Variants in SPAG16 observed in about 807,000 individuals in gnomAD.
SPAG16 encodes the protein sperm associated antigen 16, also known as sperm-associated antigen 16 protein.
In SPAG16, 86 loss-of-function variants were observed where a neutral mutation model predicts 80.4. The ratio of observed to expected loss-of-function variants is 1.07; its 90% CI spans 0.90 to 1.28. SPAG16 has a LOEUF of 1.28. Among genes scored for constraint, SPAG16 ranks in the 50% most tolerant of loss-of-function variants. The pLI is 0.00. For missense variants in SPAG16, 870 were observed against 765.3 expected (o/e 1.14, Z -1.61); for synonymous variants, 294 against 265.9 (o/e 1.11, Z -1.03).
At chr2:213,623,782 A>G (rs2061865216) in intron 10 of SPAG16, among the ~76,000 whole-genome samples, 1 of 152,086 alleles carries the variant, frequency 6.6e-6, no homozygotes. Context: ...GTTAATTATA[A>G]TCCAAGACAT....
At chr2:213,407,371 T>C (rs1374182978) in intron 9 of SPAG16, among the ~76,000 whole-genome samples, 1 of 151,936 alleles carries the variant, frequency 6.6e-6, no homozygotes, top group Non-Finnish European at 1.5e-5. Flanking sequence ...GTTTGAGGGC[T>C]TGAGCCTTCC....
chr2:214,240,319 C>T (rs1689374091), intron 15 of SPAG16: 1 of 152,122 alleles, frequency 6.6e-6, no homozygotes, highest in South Asian at 2.1e-4. Flanking sequence ...AATTCAAATG[C>T]TAAGTGTATT....
chr2:213,727,248 G>C (rs994364446), intron 10 of SPAG16, among the ~76,000 whole-genome samples: 2 of 152,142 alleles, frequency 1.3e-5, no homozygotes, highest in Non-Finnish European at 2.9e-5. Context: ...TACAAATTAA[G>C]TAGTAACTGA....
chr2:213,539,224 C>T (rs751374143), intron 10 of SPAG16, among the ~76,000 whole-genome samples: 1 of 152,152 alleles, frequency 6.6e-6, no homozygotes, highest in East Asian at 1.9e-4. Context: ...CCAAAATTAT[C>T]CCTGTAGAAT....
At chr2:214,209,878 G>A (rs1364428698) in intron 15 of SPAG16, among the ~76,000 whole-genome samples, 1 of 152,062 alleles carries the variant, frequency 6.6e-6, no homozygotes, top group African/African-American at 2.4e-5. Flanking sequence ...TTTTGGAAAT[G>A]GAGATAACCT....
chr2:214,222,219 C>A (rs377539230), intron 15 of SPAG16, among the ~76,000 whole-genome samples: 1 of 144,786 alleles, frequency 6.9e-6, no homozygotes, highest in Admixed American at 7.5e-5. Context: ...TGGGTTCAAG[C>A]GAGTCTCCTG....
At chr2:213,862,426 T>C (rs2042790) in intron 10 of SPAG16, 59 bp from the exon 11 acceptor site, 594,050 of 1,577,654 alleles carry the variant, frequency 0.38, 114,294 homozygotes, top group East Asian at 0.48. Flanking sequence ...CATTTATTCA[T>C]ATTCTGAAAA....
At chr2:213,441,722 T>C (rs375456608) in intron 9 of SPAG16, among the ~76,000 whole-genome samples, 4 of 152,364 alleles carry the variant, frequency 2.6e-5, no homozygotes, top group East Asian at 1.9e-4. Context: ...TGATTACTTA[T>C]GTAGAAGATC....
At chr2:213,932,198 A>G (rs1021070232) in intron 12 of SPAG16, among the ~76,000 whole-genome samples, 1,121 of 99,798 alleles carry the variant, frequency 0.011, 35 homozygotes, top group African/African-American at 0.047. Flanking sequence ...ATATATATAT[A>G]TTTGTTGTTG....
intron 10 of SPAG16, among the ~76,000 whole-genome samples, chr2:213,821,893 G>A (rs78450221): frequency 6.6e-6 from 1 of 152,084 alleles, no homozygotes; most frequent in African/African-American, 2.4e-5. Flanking sequence ...TCATTTTTTT[G>A]TAGCTAAATA....
At chr2:213,487,496 T>C (rs2074036230) in intron 9 of SPAG16, among the ~76,000 whole-genome samples, 1 of 152,134 alleles carries the variant, frequency 6.6e-6, no homozygotes, top group Non-Finnish European at 1.5e-5. Context: ...CTGAAATATT[T>C]CAGCACATAG....
In SPAG16 at chr2:214,292,526, C is replaced by T. The variant is rs550203961; in HGVS notation, c.1721-117614C>T. The stretch of plus-strand genomic sequence containing the variant: ...TTCTGATTTTTTTTAAATAACTATT[C>T]GGAAAATTTCTCATTCATATCCTGA... On this transcript the variant is annotated intron_variant, in intron 15 of 15. Coordinates refer to ENST00000331683, the MANE Select transcript of SPAG16 (RefSeq NM_024532.5). Among the ~76,000 whole-genome samples the T allele has an allele frequency of 7.2e-5, 11 of 151,928 alleles. No individual in the cohort carries two copies. The South Asian group carries it at 8.3e-4, about 11-fold the overall frequency.
intron 12 of SPAG16, among the ~76,000 whole-genome samples, chr2:213,938,385 T>C (rs1575599410): frequency 6.6e-6 from 1 of 152,154 alleles, no homozygotes; most frequent in Non-Finnish European, 1.5e-5. Flanking sequence ...TACTTGTACA[T>C]GTATGTGTGT....
At chr2:213,721,087 A>C (rs1256168022) in intron 10 of SPAG16, among the ~76,000 whole-genome samples, 1 of 151,508 alleles carries the variant, frequency 6.6e-6, no homozygotes, top group Non-Finnish European at 1.5e-5. Context: ...TATCATTATT[A>C]TAATTCCAAT....
At chr2:213,506,223 G>A (rs2074961575) in intron 10 of SPAG16, among the ~76,000 whole-genome samples, 1 of 151,908 alleles carries the variant, frequency 6.6e-6, no homozygotes, top group African/African-American at 2.4e-5. Context: ...AGTTCTTGAT[G>A]CAATAATATT....
At chr2:214,152,666 G>C (rs2056030255) in intron 15 of SPAG16, among the ~76,000 whole-genome samples, 1 of 152,120 alleles carries the variant, frequency 6.6e-6, no homozygotes, top group South Asian at 2.1e-4. Flanking sequence ...AATGCGCGGA[G>C]ACCAGTAGTG....
intron 13 of SPAG16, among the ~76,000 whole-genome samples, chr2:214,072,593 A>T (rs150171129): frequency 5.6e-4 from 85 of 152,282 alleles, no homozygotes; most frequent in African/African-American, 2.0e-3. Flanking sequence ...AAATTGGCAT[A>T]GATTTAATAA....
intron 10 of SPAG16, among the ~76,000 whole-genome samples, chr2:213,597,711 A>T (rs2060930266): frequency 6.6e-6 from 1 of 152,238 alleles, no homozygotes; most frequent in Admixed American, 6.5e-5. Context: ...AGAAAAAAAA[A>T]TTTTGTTACA....
At chr2:214,113,293 G>A (rs2053768738) in intron 14 of SPAG16, among the ~76,000 whole-genome samples, 1 of 152,050 alleles carries the variant, frequency 6.6e-6, no homozygotes, top group Admixed American at 6.6e-5. Context: ...ACAATTATGT[G>A]TCTTGGGGTT....
Sources: allele counts gnomAD v4.1 joint callset (sites outside exome capture counted in the v4.1 genomes callset), GRCh38; gene constraint gnomAD v4.1.1; transcripts MANE v1.5; gene names NCBI Gene and HGNC (gene_info 2026-07-23, HGNC 2026-07-21).